Variants in PTPRD observed in about 807,000 individuals in gnomAD.
PTPRD encodes protein tyrosine phosphatase receptor type D, also known as receptor-type tyrosine-protein phosphatase delta.
In PTPRD, 34 loss-of-function variants were observed where a neutral mutation model predicts 214.5. The ratio of observed to expected loss-of-function variants is 0.16; its 90% CI spans 0.12 to 0.21. The LOEUF (loss-of-function observed/expected upper bound fraction) is 0.21, where lower values mean the gene tolerates loss of function less well. Ranked by LOEUF, PTPRD falls within the 10% of genes least tolerant of loss-of-function variation. The probability of loss-of-function intolerance (pLI) is 1.00; values close to 1 mark genes in which losing one functional copy is unlikely to be tolerated. For missense variants in PTPRD, 2,545 were observed against 2,398.7 expected (o/e 1.06, Z -1.27); for synonymous variants, 1,128 against 845.7 (o/e 1.33, Z -5.79).
At chr9:9,306,959 G>C (rs935671148) in intron 9 of PTPRD, among the ~76,000 whole-genome samples, 1 of 152,108 alleles carries the variant, frequency 6.6e-6, no homozygotes, top group Admixed American at 6.5e-5. Flanking sequence ...AATCTTATTT[G>C]ACAAATTCTA....
chr9:10,173,292 A>G (rs957377225), intron 3 of PTPRD, among the ~76,000 whole-genome samples: 2 of 152,198 alleles, frequency 1.3e-5, no homozygotes, highest in Non-Finnish European at 2.9e-5. Context: ...AGAAAACAAA[A>G]TATTATAAAT....
chr9:10,285,014 C>T (rs1434846994), intron 3 of PTPRD, among the ~76,000 whole-genome samples: 1 of 152,068 alleles, frequency 6.6e-6, no homozygotes, highest in Non-Finnish European at 1.5e-5. Context: ...ATTTTAACTG[C>T]TATTTTGAAC....
intron 10 of PTPRD, among the ~76,000 whole-genome samples, chr9:9,038,716 A>C (rs984393982): frequency 2.6e-4 from 39 of 151,728 alleles, no homozygotes; most frequent in African/African-American, 9.4e-4. Context: ...CACCACGCCC[A>C]GCTAATTTTT....
intron 2 of PTPRD, among the ~76,000 whole-genome samples, chr9:10,346,305 A>T (rs1474476827): frequency 1.3e-5 from 2 of 152,180 alleles, no homozygotes; most frequent in Non-Finnish European, 2.9e-5. Context: ...CCAGGAATGA[A>T]CATGACACCT....
intron 3 of PTPRD, among the ~76,000 whole-genome samples, chr9:10,215,195 T>A: frequency 1.3e-5 from 2 of 149,222 alleles, no homozygotes; most frequent in African/African-American, 2.5e-5. Context: ...GTCAGAAAAA[T>A]AAAACATTAA....
intron 9 of PTPRD, among the ~76,000 whole-genome samples, chr9:9,247,924 TAC>T (rs1434001410): frequency 4.6e-5 from 7 of 152,200 alleles, no homozygotes; most frequent in African/African-American, 1.7e-4. Flanking sequence ...AGCTTTGCTT[TAC>T]AGTTATTCAA....
At chr9:9,503,818 T>C (rs188954241) in intron 8 of PTPRD, among the ~76,000 whole-genome samples, 2 of 151,800 alleles carry the variant, frequency 1.3e-5, no homozygotes, top group African/African-American at 4.8e-5. Flanking sequence ...TGTATGCCTA[T>C]CACAGAAGAC....
At chr9:8,973,145 A>G (rs140791823) in intron 11 of PTPRD, among the ~76,000 whole-genome samples, 1 of 152,160 alleles carries the variant, frequency 6.6e-6, no homozygotes, top group African/African-American at 2.4e-5. Context: ...TAGATTTGTT[A>G]GATGAATATA....
At chr9:8,360,806 G>C (rs1181482424) in intron 39 of PTPRD, among the ~76,000 whole-genome samples, 1 of 152,102 alleles carries the variant, frequency 6.6e-6, no homozygotes, top group Non-Finnish European at 1.5e-5. Flanking sequence ...ATTCCAAGGG[G>C]GGACAAATAG....
At chr9:10,248,672 G>A (rs868678330) in intron 3 of PTPRD, among the ~76,000 whole-genome samples, 1 of 152,100 alleles carries the variant, frequency 6.6e-6, no homozygotes, top group African/African-American at 2.4e-5. Flanking sequence ...TCCATCATGA[G>A]GTTGCTTGAG....
intron 9 of PTPRD, among the ~76,000 whole-genome samples, chr9:9,393,023 C>T (rs955495422): frequency 2.6e-5 from 4 of 151,996 alleles, no homozygotes; most frequent in South Asian, 2.1e-4. Flanking sequence ...TGTGATGGGG[C>T]GGGAGCTGGT....
At chr9:9,204,731 G>A (rs1342069431) in intron 9 of PTPRD, among the ~76,000 whole-genome samples, 1 of 152,142 alleles carries the variant, frequency 6.6e-6, no homozygotes, top group African/African-American at 2.4e-5. Flanking sequence ...ATTTTGCTCT[G>A]TACAGCCTTG....
intron 11 of PTPRD, among the ~76,000 whole-genome samples, chr9:8,769,395 A>C (rs1334723828): frequency 6.6e-6 from 1 of 152,236 alleles, no homozygotes. Context: ...ACTCACTCCA[A>C]GTTTTAACCT....
chr9:10,168,212 T>C (rs975491941), intron 3 of PTPRD, among the ~76,000 whole-genome samples: 4 of 152,242 alleles, frequency 2.6e-5, no homozygotes, highest in East Asian at 3.8e-4. Flanking sequence ...CATAATAATG[T>C]AATAAAATCT....
At chr9:9,795,035 GCACAGGCCA>G (rs1023740941) in intron 5 of PTPRD, among the ~76,000 whole-genome samples, 1 of 152,192 alleles carries the variant, frequency 6.6e-6, no homozygotes, top group Non-Finnish European at 1.5e-5. Flanking sequence ...GTGCTCACTG[GCACAGGCCA>G]CTCCCAAGCC....
intron 12 of PTPRD, among the ~76,000 whole-genome samples, chr9:8,711,312 T>A (rs1044728618): frequency 6.6e-6 from 1 of 152,106 alleles, no homozygotes; most frequent in East Asian, 1.9e-4. Context: ...ATCAAATATA[T>A]AATTATTAAA....
intron 2 of PTPRD, among the ~76,000 whole-genome samples, chr9:10,380,229 T>C (rs950456773): frequency 1.3e-5 from 2 of 152,080 alleles, no homozygotes; most frequent in African/African-American, 4.8e-5. Context: ...GAAAGCATAA[T>C]ATCAAAAAGG....
At chr9:9,484,926 T>C (rs771427687) in intron 8 of PTPRD, among the ~76,000 whole-genome samples, 16 of 152,294 alleles carry the variant, frequency 1.1e-4, no homozygotes, top group Admixed American at 2.6e-4. Context: ...CATCAATGCA[T>C]TGGAAATTGA....
chr9:9,766,157 A>C (rs1271104986), intron 6 of PTPRD, among the ~76,000 whole-genome samples: 1 of 152,116 alleles, frequency 6.6e-6, no homozygotes, highest in African/African-American at 2.4e-5. Flanking sequence ...TATTCATCTT[A>C]TACATTTTCT....
Sources: allele counts gnomAD v4.1 joint callset (sites outside exome capture counted in the v4.1 genomes callset), GRCh38; gene constraint gnomAD v4.1.1; transcripts MANE v1.5; gene names NCBI Gene and HGNC (gene_info 2026-07-23, HGNC 2026-07-21).